The following AMD1 variants were observed in gnomAD, a reference collection of about 807,000 sequenced individuals.
AMD1 encodes adenosylmethionine decarboxylase 1.
Under a neutral mutation model 40.2 loss-of-function variants are expected in AMD1, and 11 were observed. The ratio of observed to expected loss-of-function variants is 0.27; its 90% confidence interval spans 0.17 to 0.45. The LOEUF is 0.45. Among genes scored for constraint, AMD1 ranks in the 20% least tolerant of loss-of-function variants. The pLI, the probability that AMD1 is intolerant of heterozygous loss-of-function variation, is 1.00. For synonymous variants in AMD1, 121 were observed against 130.8 expected, an observed-to-expected ratio of 0.93 and a Z score of 0.51; for missense variants, 257 against 410.2, an observed-to-expected ratio of 0.63 and a Z score of 3.23.
At chr6:110,891,701 C>A in intron 4 of AMD1, 1 of 173,286 alleles carries the variant, frequency 5.8e-6, no homozygotes, top group Non-Finnish European at 1.3e-5. Flanking sequence ...GTCGATCCTG[C>A]TTATCTGGGA....
the AMD1 span, among the ~76,000 whole-genome samples, chr6:110,816,870 G>A: frequency 2.0e-5 from 3 of 152,136 alleles, no homozygotes; most frequent in African/African-American, 7.2e-5. Flanking sequence ...TTACAGGTCC[G>A]TGCCACCATG....
the AMD1 span, among the ~76,000 whole-genome samples, chr6:110,819,422 G>A: frequency 0.061 from 9,281 of 152,106 alleles, 329 homozygotes; most frequent in African/African-American, 0.1. Flanking sequence ...TAAGAAAAAA[G>A]CACATACTAT....
chr6:110,832,336 A>G, the AMD1 span, among the ~76,000 whole-genome samples: 1 of 151,704 alleles, frequency 6.6e-6, no homozygotes, highest in East Asian at 1.9e-4. Flanking sequence ...TTTTTTGTAG[A>G]GATGAAGTCT....
chr6:110,859,468 T>G, the AMD1 span, among the ~76,000 whole-genome samples: 1 of 152,130 alleles, frequency 6.6e-6, no homozygotes, highest in African/African-American at 2.4e-5. Context: ...TCCCCGAAGG[T>G]TTCCGGTTCC....
At chr6:110,868,819 G>A in the AMD1 span, among the ~76,000 whole-genome samples, 1 of 152,014 alleles carries the variant, frequency 6.6e-6, no homozygotes, top group African/African-American at 2.4e-5. Flanking sequence ...ACTTTGGGAG[G>A]CCAAGGTGGA....
chr6:110,881,711 A>G (rs960861027), intron 1 of AMD1, among the ~76,000 whole-genome samples: 2 of 151,834 alleles, frequency 1.3e-5, no homozygotes, highest in Admixed American at 1.3e-4. Context: ...ATCAGTCCCA[A>G]CTACTCGGGA....
chr6:110,828,798 G>A, the AMD1 span, among the ~76,000 whole-genome samples: 5 of 152,164 alleles, frequency 3.3e-5, no homozygotes, highest in Non-Finnish European at 7.3e-5. Flanking sequence ...TCTAAGGTGA[G>A]CTCAGGATCA....
At chr6:110,844,393 G>T in the AMD1 span, among the ~76,000 whole-genome samples, 21,593 of 151,308 alleles carry the variant, frequency 0.14, 1,716 homozygotes, top group East Asian at 0.32. Flanking sequence ...CCTGACCTCA[G>T]GTGATCCTCC....
At chr6:110,842,341 G>A in the AMD1 span, among the ~76,000 whole-genome samples, 103 of 152,240 alleles carry the variant, frequency 6.8e-4, no homozygotes, top group Non-Finnish European at 1.0e-3. Context: ...TGGAAGACAG[G>A]GATAATGACT....
the AMD1 span, among the ~76,000 whole-genome samples, chr6:110,832,249 C>T: frequency 2.6e-5 from 4 of 151,916 alleles, no homozygotes; most frequent in African/African-American, 9.7e-5. Context: ...GCATGATCCA[C>T]CTGCTTTAGC....
At chr6:110,885,457 G>A (rs898691313) in intron 1 of AMD1, among the ~76,000 whole-genome samples, 12 of 151,316 alleles carry the variant, frequency 7.9e-5, no homozygotes, top group African/African-American at 2.9e-4. Context: ...TTGAGACGGA[G>A]TCTCCCTCTG....
the AMD1 span, chr6:110,858,472 C>T: frequency 1.6e-6 from 2 of 1,244,634 alleles, no homozygotes; most frequent in Non-Finnish European, 2.4e-6. Flanking sequence ...TCAACCGTTC[C>T]ATGCAGAACT....
chr6:110,892,230 T>G, intron 5 of AMD1, 27 bp downstream of exon 5: 1 of 1,613,814 alleles, frequency 6.2e-7, no homozygotes, highest in Non-Finnish European at 8.5e-7. Context: ...TTTGTGGATT[T>G]TTGTTGTCCT....
At chr6:110,875,777 C>T (rs1785072046) in intron 1 of AMD1, among the ~76,000 whole-genome samples, 1 of 151,934 alleles carries the variant, frequency 6.6e-6, no homozygotes, top group Non-Finnish European at 1.5e-5. Context: ...CCACCCGCGG[C>T]GGCCGCGGGC....
chr6:110,826,479 G>A, the AMD1 span, among the ~76,000 whole-genome samples: 5 of 151,810 alleles, frequency 3.3e-5, no homozygotes, highest in Non-Finnish European at 7.4e-5. Context: ...CACAGTCCTG[G>A]AGGCCAGAAG....
In AMD1 at chr6:110,893,934, G is replaced by A. The variant is rs1786173726; in HGVS notation, c.*318G>A. On this transcript the variant is annotated 3_prime_UTR_variant, in exon 9 of 9. Transcript: ENST00000368885. ...GTGAAAGCAACTCAATTTGGTTTATGCACAGTGTAATATTTCTCCAAGTAT... is the reference window on the plus strand; with the variant it reads ...GTGAAAGCAACTCAATTTGGTTTATACACAGTGTAATATTTCTCCAAGTAT... 3.5e-6 allele frequency: 1 copy of A among 283,288 alleles called. No individual in the cohort carries two copies. The highest frequency in any genetic ancestry group is 4.2e-5 in the South Asian group (1 of 23,690). 17.5% of individuals were successfully genotyped at this position (283,288 alleles called of 1,614,324 possible). A position where few individuals can be genotyped will look rare whatever the true frequency, so the allele number is the denominator to read the frequency against.
rs1464026024 is a variant in AMD1 at position 110,893,822 on chromosome 6, T to G, written c.*206T>G. On this transcript the variant is annotated 3_prime_UTR_variant, in exon 9 of 9. Coordinates refer to ENST00000368885, the MANE Select transcript of AMD1 (RefSeq NM_001634.6). ...GATATCTTGCATGAATGCTCTCTTC[T>G]GTGTTTAGGTATTCTCTGCCACTCT... 7.3e-6 allele frequency: 4 copies of G among 545,734 alleles called. No individual in the cohort carries two copies. Among genetic ancestry groups the G allele is most frequent in the African/African-American group, 5.7e-5 (3 of 52,870 alleles). The allele number at this position is 545,734 out of a possible 1,614,324, so 33.8% of individuals were successfully genotyped here.
chr6:110,861,698 C>G, the AMD1 span, among the ~76,000 whole-genome samples: 1 of 151,146 alleles, frequency 6.6e-6, no homozygotes, highest in African/African-American at 2.4e-5. Flanking sequence ...AAAAACTAAC[C>G]AGGCGTGGTG....
chr6:110,841,326 C>G, the AMD1 span, among the ~76,000 whole-genome samples: 1 of 152,180 alleles, frequency 6.6e-6, no homozygotes, highest in Non-Finnish European at 1.5e-5. Flanking sequence ...AGCCTCCTTG[C>G]TTTGTGCTAA....
Sources: gnomAD v4.1 joint callset for allele counts (sites outside exome capture counted in the v4.1 genomes callset) on GRCh38, gnomAD v4.1.1 for gene constraint, MANE v1.5 for transcripts, NCBI Gene and HGNC (gene_info 2026-07-23, HGNC 2026-07-21) for gene names.